Variants in GLI3 observed in about 807,000 individuals in gnomAD.
GLI3 encodes transcription activator GLI3.
In GLI3, 20 loss-of-function variants were observed where a neutral mutation model predicts 100.8. The observed-to-expected ratio is 0.20, with a 90% CI of 0.14 to 0.29. GLI3 has a LOEUF of 0.29. GLI3 is among the 10% of genes least tolerant of loss of function. The probability of loss-of-function intolerance (pLI) is 1.00; values close to 1 mark genes in which losing one functional copy is unlikely to be tolerated. For missense variants in GLI3, 2,040 were observed against 2,128.5 expected (o/e 0.96, Z 0.82); for synonymous variants, 938 against 860.5 (o/e 1.09, Z -1.58).
At chr7:42,113,309 C>T (rs1785762487) in intron 3 of GLI3, 4 of 608,762 alleles carry the variant, frequency 6.6e-6, no homozygotes, top group South Asian at 4.5e-5. Flanking sequence ...GACCAAAGCC[C>T]GCACACCACC....
At chr7:42,156,238 T>C (rs538168046) in intron 2 of GLI3, among the ~76,000 whole-genome samples, 1 of 152,342 alleles carries the variant, frequency 6.6e-6, no homozygotes, top group African/African-American at 2.4e-5. Flanking sequence ...TTCAAGCTCT[T>C]GCCAAGACTC....
chr7:41,971,364 C>G (rs772006807), intron 13 of GLI3, among the ~76,000 whole-genome samples: 1 of 152,222 alleles, frequency 6.6e-6, no homozygotes, highest in Non-Finnish European at 1.5e-5. Context: ...CAGCCCAGAA[C>G]CCAATATATT....
chr7:42,154,901 T>C (rs1038832335), intron 2 of GLI3, among the ~76,000 whole-genome samples: 3 of 152,108 alleles, frequency 2.0e-5, no homozygotes, highest in African/African-American at 4.8e-5. Context: ...CAGCTACACA[T>C]ACATCTCCCA....
chr7:42,219,538 A>AC (rs1788441399), intron 2 of GLI3, among the ~76,000 whole-genome samples: 1 of 152,060 alleles, frequency 6.6e-6, no homozygotes, highest in Non-Finnish European at 1.5e-5. Context: ...TCTGAACTGT[A>AC]CCTTTTGGTT....
chr7:42,062,608 TAAC>T (rs1053782899), intron 4 of GLI3, among the ~76,000 whole-genome samples: 6 of 152,268 alleles, frequency 3.9e-5, no homozygotes, highest in African/African-American at 1.4e-4. Flanking sequence ...ATTTTTATAT[TAAC>T]AACATTTCTC....
intron 4 of GLI3, among the ~76,000 whole-genome samples, chr7:42,052,368 G>A (rs1389236010): frequency 2.0e-5 from 3 of 152,158 alleles, no homozygotes; most frequent in Non-Finnish European, 2.9e-5. Flanking sequence ...CACCTTGGAG[G>A]CACCTCCTTG....
chr7:42,193,639 A>T (rs1787871457), intron 2 of GLI3, among the ~76,000 whole-genome samples: 2 of 152,180 alleles, frequency 1.3e-5, no homozygotes, highest in Admixed American at 1.3e-4. Flanking sequence ...GAACACCCAC[A>T]TCCACCCAAG....
At chr7:42,209,311 A>G (rs1285393168) in intron 2 of GLI3, among the ~76,000 whole-genome samples, 2 of 152,142 alleles carry the variant, frequency 1.3e-5, no homozygotes, top group African/African-American at 4.8e-5. Flanking sequence ...TTGGCCTCCC[A>G]AAGTGCTGGG....
rs1421263066 is a variant in GLI3, at chr7:42,192,922, G to T, written c.124+30208C>A. Among the ~76,000 whole-genome samples, 8 of 152,124 alleles carry T rather than the reference G, an allele frequency of 5.3e-5. No homozygotes were observed. The East Asian group carries it at 1.5e-3, about 29-fold the overall frequency. On this transcript the variant is annotated intron_variant, in intron 2 of 14. Transcript: ENST00000395925. The stretch of plus-strand genomic sequence containing the variant: ...GGCAACGAGAACCAGCAGGACCTGA[G>T]GCCAGCCTGTCTCCAGCCTTGCACA...
chr7:42,213,465 G>C (rs902802258), intron 2 of GLI3, among the ~76,000 whole-genome samples: 2 of 152,070 alleles, frequency 1.3e-5, no homozygotes, highest in Admixed American at 1.3e-4. Context: ...GTGAAATGTA[G>C]TTTATTATCT....
intron 2 of GLI3, chr7:42,152,357 C>T (rs769690108): frequency 1.3e-4 from 130 of 979,166 alleles, no homozygotes; most frequent in Non-Finnish European, 1.6e-4. Context: ...ACTTACAACA[C>T]AGTCCCCAGG....
At chr7:42,031,239 T>G (rs541292112) in intron 7 of GLI3, among the ~76,000 whole-genome samples, 1 of 152,364 alleles carries the variant, frequency 6.6e-6, no homozygotes, top group African/African-American at 2.4e-5. Flanking sequence ...TTTATAGCTT[T>G]TGTTTCTAAA....
chr7:42,045,405 C>T lies in GLI3; in HGVS notation c.805G>A (p.Glu269Lys). Reference sequence around the variant, plus strand: ...TTACTATCCATAGCATGAAGATATTCCATGTGGATGGCCCCCGTGCCGGCG... The same window carrying T: ...TTACTATCCATAGCATGAAGATATTTCATGTGGATGGCCCCCGTGCCGGCG... ...ATAGTGAIHM[E>K]YLHAMDSTRF... The change falls in exon 6 of 15, where the codon GAA (glutamate) becomes AAA (lysine). Residue 269 changes from glutamate (E) to lysine (K), a missense_variant. By Grantham distance (56) the Glu-to-Lys change is moderately conservative. Coordinates refer to ENST00000395925, the MANE Select transcript of GLI3 (RefSeq NM_000168.6). 6.2e-7 allele frequency: 1 copy of T among 1,614,082 alleles called. No homozygotes were observed.
intron 2 of GLI3, among the ~76,000 whole-genome samples, chr7:42,180,893 T>C (rs1562774834): frequency 6.6e-6 from 1 of 152,242 alleles, no homozygotes; most frequent in Non-Finnish European, 1.5e-5. Context: ...CTGGCAAACC[T>C]GGACCTGCAC....
rs111235100 is a variant in GLI3, at chr7:42,201,024, G to C, written c.124+22106C>G. 3.6e-3 allele frequency among the ~76,000 whole-genome samples: 544 copies of C among 152,264 alleles called. 5 individuals carry two copies. Among genetic ancestry groups the C allele is most frequent in the African/African-American group, 0.012 (501 of 41,546 alleles). On this transcript the variant is annotated intron_variant, in intron 2 of 14. Transcript: ENST00000395925. ...CCTTATCCTCCACAGATACATTTCA[G>C]TGGATGCCTGAAACCACAGATAGTC...
At chr7:42,197,006 T>C (rs567354681) in intron 2 of GLI3, among the ~76,000 whole-genome samples, 2 of 152,262 alleles carry the variant, frequency 1.3e-5, no homozygotes, top group South Asian at 4.2e-4. Flanking sequence ...TTCAAGAAGT[T>C]TTATCCTCTG....
In GLI3 at chr7:42,121,436, G is replaced by A. The variant is rs79838485; in HGVS notation, c.367+26790C>T. On this transcript the variant is annotated intron_variant, in intron 3 of 14. Coordinates refer to ENST00000395925, the MANE Select transcript of GLI3 (RefSeq NM_000168.6). ...AAAGTTTGGTGCAGTGAAGGTAAGCGGTACCTACTGCCCCTGCCCCCAAAA... is the reference window on the plus strand; with the variant it reads ...AAAGTTTGGTGCAGTGAAGGTAAGCAGTACCTACTGCCCCTGCCCCCAAAA... Among the ~76,000 whole-genome samples, 407 of 152,318 alleles carry A rather than the reference G, an allele frequency of 2.7e-3. 1 individual carries two copies. Among genetic ancestry groups the A allele is most frequent in the African/African-American group, 9.0e-3 (374 of 41,572 alleles).
At chr7:42,233,659 A>C (rs1583666686) in intron 1 of GLI3, among the ~76,000 whole-genome samples, 1 of 152,214 alleles carries the variant, frequency 6.6e-6, no homozygotes, top group Non-Finnish European at 1.5e-5. Flanking sequence ...AATAAAAGTA[A>C]AGATGAAAAA....
chr7:42,237,521 G>C (rs1236353037), upstream of GLI3, among the ~76,000 whole-genome samples: 2 of 151,494 alleles, frequency 1.3e-5, no homozygotes, highest in African/African-American at 4.9e-5. Context: ...TTGTCCCTCG[G>C]CTCCGCGCTC....
Sources: allele counts gnomAD v4.1 joint callset (sites outside exome capture counted in the v4.1 genomes callset), GRCh38; gene constraint gnomAD v4.1.1; transcripts MANE v1.5; gene names NCBI Gene and HGNC (gene_info 2026-07-23, HGNC 2026-07-21).